The following UMODL1 variants were observed in gnomAD, a reference collection of about 807,000 sequenced individuals.
UMODL1 encodes uromodulin-like 1.
Under a neutral mutation model 136.3 loss-of-function variants are expected in UMODL1, and 128 were observed. That is an observed-to-expected ratio of 0.94 (90% confidence interval 0.81 to 1.09). The LOEUF (loss-of-function observed/expected upper bound fraction) is 1.09, where lower values mean the gene tolerates loss of function less well. UMODL1 is among the 50% of genes least tolerant of loss of function. The pLI is 0.00. For missense variants in UMODL1, 1,766 were observed against 1,725.6 expected, an observed-to-expected ratio of 1.02 and a Z score of -0.41; for synonymous variants, 721 against 720.0, an observed-to-expected ratio of 1.00 and a Z score of -0.02.
chr21:42,088,663 C>T (rs771834485), intron 5 of UMODL1, among the ~76,000 whole-genome samples, 183 bp downstream of exon 5: 13 of 152,172 alleles, frequency 8.5e-5, no homozygotes, highest in Non-Finnish European at 1.5e-4. Flanking sequence ...ATCTTCAGCT[C>T]ACCCTGTAAA....
chr21:42,140,499 TG>T (rs2067267503), intron 22 of UMODL1, among the ~76,000 whole-genome samples: 3 of 151,104 alleles, frequency 2.0e-5, no homozygotes, highest in African/African-American at 4.9e-5. Context: ...CGTTTGGCTC[TG>T]GGGTCAGCTC....
rs1392423736 is a variant in UMODL1, at chr21:42,122,672, T to C, written c.2828-159T>C. On this transcript the variant is annotated intron_variant, in intron 16 of 22. Coordinates refer to ENST00000408910, the MANE Select transcript of UMODL1 (RefSeq NM_001004416.3). This position sits in a 1 kb window ranked among gnomAD's most constrained non-coding sequence, Gnocchi z 4.3. ...GTGTGCATATGTGTGCGTGTGTGTG[T>C]GTGTGTGTGCACGTGTGTAGTTGTG... 1.3e-5 allele frequency among the ~76,000 whole-genome samples: 2 copies of C among 152,220 alleles called. No individual in the cohort carries two copies. The highest frequency in any genetic ancestry group is 2.4e-5 in the African/African-American group (1 of 41,522).
chr21:42,084,359 A>T, intron 3 of UMODL1, 114 bp downstream of exon 3: 3 of 1,204,164 alleles, frequency 2.5e-6, no homozygotes, highest in African/African-American at 1.6e-5. Context: ...GACCGATTTC[A>T]TCAGGAGCCC....
chr21:42,113,848 GT>G lies in UMODL1; in HGVS notation c.2362+23del, dbSNP rs1292366625. The G allele has an allele frequency of 1.3e-6, 2 of 1,599,658 alleles. No individual in the cohort carries two copies. Among genetic ancestry groups the G allele is most frequent in the African/African-American group, 1.3e-5 (1 of 74,238 alleles). ...GAGGACAGGTAATGGGCTTCCATTT[GT>G]TTTTAAAGAGAGGAACAAAAAGTAT... On this transcript the variant is annotated intron_variant, in intron 13 of 22. Transcript: ENST00000408910.
rs1190881555 is a variant in UMODL1 at position 42,099,754 on chromosome 21, C to T, written c.1186+574C>T. Among the ~76,000 whole-genome samples the T allele has an allele frequency of 2.0e-5, 3 of 152,144 alleles. No homozygotes were observed. The highest frequency in any genetic ancestry group is 4.4e-5 in the Non-Finnish European group (3 of 68,028). ...GGAGTGTAGTGGTATGATCACAGCT[C>T]GCTGCGGCCTCGACCCCCTGGACTC... On this transcript the variant is annotated intron_variant, in intron 7 of 22. Coordinates refer to ENST00000408910, the MANE Select transcript of UMODL1 (RefSeq NM_001004416.3). This position sits in a 1 kb window ranked among gnomAD's most constrained non-coding sequence, Gnocchi z 4.1.
At chr21:42,084,450 T>G (rs1420172755) in intron 3 of UMODL1, among the ~76,000 whole-genome samples, 2 of 152,120 alleles carry the variant, frequency 1.3e-5, no homozygotes, top group Non-Finnish European at 2.9e-5. Context: ...GGGAGAAATC[T>G]CATGGCGCTC....
chr21:42,108,860 C>T lies in UMODL1; in HGVS notation c.1520-702C>T, dbSNP rs57887783. On this transcript the variant is annotated intron_variant, in intron 9 of 22. Coordinates refer to ENST00000408910, the MANE Select transcript of UMODL1 (RefSeq NM_001004416.3). ...GGCGCGGGAAGTTCATGTTGTACTC[C>T]GCTGGACCCCACCCCCGGCGTGGGA... Among the ~76,000 whole-genome samples the T allele has an allele frequency of 1.1e-4, 10 of 89,930 alleles. 2 individuals are homozygous for T. The highest frequency in any genetic ancestry group is 3.5e-4 in the East Asian group (1 of 2,866). 59.0% of individuals were successfully genotyped at this position (89,930 alleles called of 152,430 possible). A position where few individuals can be genotyped will look rare whatever the true frequency, so the allele number is the denominator to read the frequency against.
At chr21:42,101,929 G>A (rs2146477003) in intron 7 of UMODL1, 2 of 424,322 alleles carry the variant, frequency 4.7e-6, no homozygotes, top group East Asian at 9.8e-5. Flanking sequence ...GTGGGTATGG[G>A]CTGTGTGTGA....
At chr21:42,075,133 C>T (rs963652445) in intron 1 of UMODL1, among the ~76,000 whole-genome samples, 14 of 152,058 alleles carry the variant, frequency 9.2e-5, no homozygotes, top group Admixed American at 5.2e-4. Flanking sequence ...CTCCTGACCT[C>T]GTGATCCGCC....
At chr21:42,095,276 G>A (rs1301769115) in intron 6 of UMODL1, among the ~76,000 whole-genome samples, 1 of 151,530 alleles carries the variant, frequency 6.6e-6, no homozygotes, top group Non-Finnish European at 1.5e-5. Context: ...TGTGTTTTTT[G>A]TAAAGATAGG....
chr21:42,138,755 A>G (rs2123407254), intron 22 of UMODL1, among the ~76,000 whole-genome samples: 1 of 152,148 alleles, frequency 6.6e-6, no homozygotes, highest in Admixed American at 6.5e-5. Flanking sequence ...TTGTATTTTT[A>G]GTAGATACAG....
intron 21 of UMODL1, among the ~76,000 whole-genome samples, chr21:42,131,056 G>T (rs1325735122): frequency 1.3e-5 from 2 of 151,968 alleles, no homozygotes; most frequent in African/African-American, 4.8e-5. Context: ...CTCATGATTT[G>T]CCCACCTCGG....
At position 42,113,719 on chromosome 21, in the gene UMODL1, A is replaced by G. The variant is rs1489339011; in HGVS notation, c.2251A>G (p.Asn751Asp). 1 of 1,614,088 alleles carries G rather than the reference A, an allele frequency of 6.2e-7. No individual in the cohort carries two copies. The highest frequency in any genetic ancestry group is 8.5e-7 in the Non-Finnish European group (1 of 1,180,020). The change falls in exon 13 of 23, where the codon AAC becomes GAC. Residue 751 changes from asparagine to aspartate, a missense_variant. By Grantham distance (23) the Asn-to-Asp change is conservative. Transcript: ENST00000408910. ...WSPAVVLETW[N>D]TSVTLSGLEP... ...CCCTGCTGTGGTCCTAGAGACCTGG[A>G]ACACGAGTGTGACACTGTCGGGGCT...
At chr21:42,136,171 G>A (rs1181259208) in intron 21 of UMODL1, among the ~76,000 whole-genome samples, 2 of 152,114 alleles carry the variant, frequency 1.3e-5, no homozygotes, top group Non-Finnish European at 2.9e-5. Flanking sequence ...GCAGGCAGCT[G>A]GCATCTTTCT....
At chr21:42,110,205 G>C (rs1465362254) in intron 10 of UMODL1, among the ~76,000 whole-genome samples, 1 of 152,202 alleles carries the variant, frequency 6.6e-6, no homozygotes, top group Non-Finnish European at 1.5e-5. Flanking sequence ...TCTGATGAGT[G>C]GGTCGGGGAT....
chr21:42,111,475 C>T (rs1450413796), intron 11 of UMODL1, 31 bp from the exon 12 acceptor site: 1 of 1,613,886 alleles, frequency 6.2e-7, no homozygotes. Flanking sequence ...CTCCTGGGGC[C>T]ACAGATGGCC....
At chr21:42,070,612 A>G (rs1183587847), upstream of UMODL1, among the ~76,000 whole-genome samples, 1 of 152,234 alleles carries the variant, frequency 6.6e-6, no homozygotes, top group Admixed American at 6.5e-5. Flanking sequence ...TTGTGCTACT[A>G]AAACTTCATG....
At chr21:42,067,699 C>T (rs917597164), upstream of UMODL1, among the ~76,000 whole-genome samples, 2 of 152,182 alleles carry the variant, frequency 1.3e-5, no homozygotes, top group African/African-American at 4.8e-5. Flanking sequence ...AAGGCCTGGG[C>T]GCCTCTTCTG....
intron 9 of UMODL1, among the ~76,000 whole-genome samples, chr21:42,106,129 C>T (rs1309281143): frequency 2.0e-5 from 3 of 152,172 alleles, no homozygotes; most frequent in African/African-American, 7.2e-5. Context: ...GGGGAGGCGG[C>T]CCTGCCTCTG....
Sources: gnomAD v4.1 joint callset for allele counts (sites outside exome capture counted in the v4.1 genomes callset) on GRCh38, gnomAD v4.1.1 for gene constraint, Gnocchi (gnomAD v3.1) non-coding constraint, MANE v1.5 for transcripts, NCBI Gene and HGNC (gene_info 2026-07-23, HGNC 2026-07-21) for gene names.